Variants in MYBPC1 observed in about 807,000 individuals in gnomAD.
MYBPC1 encodes myosin binding protein C1, also known as myosin-binding protein C, slow-type.
A neutral mutation model predicts 147.1 loss-of-function variants in MYBPC1; 52 were observed. The observed-to-expected ratio is 0.35, with a 90% confidence interval of 0.28 to 0.45. MYBPC1 has a LOEUF of 0.45. Ranked by LOEUF, MYBPC1 falls within the 20% of genes least tolerant of loss-of-function variation. The probability of loss-of-function intolerance (pLI) is 1.00; values close to 1 mark genes in which losing one functional copy is unlikely to be tolerated. For synonymous variants in MYBPC1, 477 were observed against 475.9 expected, an observed-to-expected ratio of 1.00 and a Z score of -0.03; for missense variants, 1,228 against 1,440.3, an observed-to-expected ratio of 0.85 and a Z score of 2.39.
intron 10 of MYBPC1, among the ~76,000 whole-genome samples, chr12:101,640,706 A>G (rs1254271704): frequency 6.6e-6 from 1 of 152,200 alleles, no homozygotes; most frequent in Non-Finnish European, 1.5e-5. Flanking sequence ...GAAGTTAGAT[A>G]TTCAGATGTC....
At chr12:101,634,714 T>C (rs535555832) in intron 9 of MYBPC1, 109 bp downstream of exon 9, 20 of 906,404 alleles carry the variant, frequency 2.2e-5, no homozygotes, top group Non-Finnish European at 7.1e-6. Context: ...GAACAACACT[T>C]TTCACCGCAA....
chr12:101,606,245 C>T (rs1254143038), intron 1 of MYBPC1, among the ~76,000 whole-genome samples: 2 of 148,346 alleles, frequency 1.3e-5, no homozygotes, highest in Non-Finnish European at 3.0e-5. Context: ...CAAGAATGCA[C>T]AAACAATTCT....
chr12:101,686,066 C>A (rs1951337773), downstream of MYBPC1: 1 of 155,100 alleles, frequency 6.4e-6, no homozygotes, highest in African/African-American at 2.4e-5. Flanking sequence ...TTCTCTTGAT[C>A]TAGTAGATTT....
intron 6 of MYBPC1, among the ~76,000 whole-genome samples, chr12:101,631,142 C>A (rs1278221573): frequency 6.6e-6 from 1 of 151,890 alleles, no homozygotes; most frequent in Non-Finnish European, 1.5e-5. Flanking sequence ...CATCACCTTG[C>A]CTAATAAAAA....
intron 18 of MYBPC1, among the ~76,000 whole-genome samples, chr12:101,655,321 T>A (rs542025418): frequency 3.3e-5 from 5 of 152,038 alleles, no homozygotes; most frequent in Non-Finnish European, 5.9e-5. Flanking sequence ...CACCTACAGA[T>A]GAAAGCAATA....
rs373075518 is a variant in MYBPC1 at position 101,626,862 on chromosome 12, C to A, written c.104-10C>A. 202 of 1,610,648 alleles carry A rather than the reference C, an allele frequency of 1.3e-4. 1 individual carries two copies. Among genetic ancestry groups the A allele is most frequent in the South Asian group, 7.1e-4 (65 of 91,046 alleles). On this transcript the variant is annotated splice_polypyrimidine_tract_variant and intron_variant, in intron 3 of 31. Transcript: ENST00000361466. ...TCTCCTTGACTTTTTACTCCTATTT[C>A]TTGTTTCAGATGAAGAGGAAGTCTC...
chr12:101,634,076 A>G (rs1474090626), intron 8 of MYBPC1, among the ~76,000 whole-genome samples: 1 of 151,612 alleles, frequency 6.6e-6, no homozygotes, highest in Non-Finnish European at 1.5e-5. Context: ...TTGTTCTTGT[A>G]TTTTTAGTAG....
intron 24 of MYBPC1, among the ~76,000 whole-genome samples, chr12:101,672,456 C>T (rs1343986975): frequency 6.6e-6 from 1 of 152,136 alleles, no homozygotes; most frequent in East Asian, 1.9e-4. Flanking sequence ...AAATTCTGCT[C>T]TTAAAGAATA....
At chr12:101,658,358 T>C (rs1376533952) in intron 18 of MYBPC1, among the ~76,000 whole-genome samples, 1 of 148,272 alleles carries the variant, frequency 6.7e-6, no homozygotes, top group East Asian at 2.0e-4. Context: ...CTCAGCAAAA[T>C]AGAAATAGAG....
chr12:101,663,927 A>G (rs1305498395), intron 22 of MYBPC1, among the ~76,000 whole-genome samples: 1 of 152,230 alleles, frequency 6.6e-6, no homozygotes, highest in Admixed American at 6.5e-5. Flanking sequence ...TCTAAAACCT[A>G]TAATGAGCTG....
At chr12:101,679,490 G>A (rs1950793152) in intron 28 of MYBPC1, among the ~76,000 whole-genome samples, 1 of 152,224 alleles carries the variant, frequency 6.6e-6, no homozygotes, top group African/African-American at 2.4e-5. Flanking sequence ...CAAAATAATA[G>A]AAGAGGTGGA....
intron 1 of MYBPC1, among the ~76,000 whole-genome samples, chr12:101,606,211 C>CACAA (rs946765673): frequency 2.0e-5 from 3 of 151,098 alleles, no homozygotes; most frequent in African/African-American, 7.3e-5. Context: ...GAAACACACA[C>CACAA]ACACACACAC....
At position 101,626,875 on chromosome 12, in the gene MYBPC1, A is replaced by T; in HGVS notation, c.107A>T (p.Glu36Val). Residue 36 changes from glutamate to valine, a missense_variant, in exon 4 of 32, where the codon GAA (glutamate) becomes GTA (valine). Physicochemically the swap from Glu to Val is moderately radical, Grantham distance 121 (BLOSUM62 -2). Coordinates refer to ENST00000361466, the MANE Select transcript of MYBPC1 (RefSeq NM_002465.4). Reference sequence around the variant, plus strand: ...TTACTCCTATTTCTTGTTTCAGATGAAGAGGAAGTCTCCCCGCCTAGCGCC... The same window carrying T: ...TTACTCCTATTTCTTGTTTCAGATGTAGAGGAAGTCTCCCCGCCTAGCGCC... ...KEAGTTPAKD[E>V]EEVSPPSALP... 6.2e-7 allele frequency: 1 copy of T among 1,612,398 alleles called. No homozygotes were observed. Among genetic ancestry groups the T allele is most frequent in the Non-Finnish European group, 8.5e-7 (1 of 1,178,416 alleles).
At chr12:101,599,219 T>C (rs1410852027) in intron 1 of MYBPC1, among the ~76,000 whole-genome samples, 1 of 152,220 alleles carries the variant, frequency 6.6e-6, no homozygotes, top group Non-Finnish European at 1.5e-5. Context: ...GCAGATTATT[T>C]TGCTGTGTCA....
the MYBPC1 span, among the ~76,000 whole-genome samples, chr12:101,695,184 C>T: frequency 6.6e-6 from 1 of 152,214 alleles, no homozygotes; most frequent in South Asian, 2.1e-4. Flanking sequence ...ATACAACAGT[C>T]CCCTTATCTC....
In MYBPC1 at chr12:101,649,271, G is replaced by A; in HGVS notation, c.1208G>A (p.Gly403Asp). Residue 403 changes from glycine to aspartate, a missense_variant, in exon 15 of 32, where the codon GGT becomes GAT. This residue lies in a region of MYBPC1 where 1,077 missense variants were observed against 1,314.2 expected (regional missense o/e 0.82). Coordinates refer to ENST00000361466, the MANE Select transcript of MYBPC1 (RefSeq NM_002465.4). ...DDANVKWFKN[G>D]EEIIPGPKSR... ...TTATCTTAATTCAGGTTTAAGAATG[G>A]TGAAGAGATTATCCCTGGTCCAAAA... 6.2e-7 allele frequency: 1 copy of A among 1,613,296 alleles called. No individual in the cohort carries two copies. The highest frequency in any genetic ancestry group is 8.5e-7 in the Non-Finnish European group (1 of 1,179,352).
chr12:101,693,615 C>A, the MYBPC1 span, among the ~76,000 whole-genome samples: 4 of 152,114 alleles, frequency 2.6e-5, no homozygotes, highest in Admixed American at 2.6e-4. Context: ...GTGGCACATG[C>A]CTATAGTCTC....
intron 9 of MYBPC1, among the ~76,000 whole-genome samples, chr12:101,634,878 T>C (rs1890687186): frequency 6.6e-6 from 1 of 152,220 alleles, no homozygotes; most frequent in Non-Finnish European, 1.5e-5. Context: ...TTTCAATTTA[T>C]TCATATGTAG....
rs925053208 is a variant in MYBPC1 at position 101,643,749 on chromosome 12, T to A, written c.833-915T>A. Among the ~76,000 whole-genome samples, 18 of 152,314 alleles carry A rather than the reference T, an allele frequency of 1.2e-4. No homozygotes were observed. In the South Asian group the frequency reaches 3.7e-3, roughly 32 times the overall value. On this transcript the variant is annotated intron_variant, in intron 11 of 31. Coordinates refer to ENST00000361466, the MANE Select transcript of MYBPC1 (RefSeq NM_002465.4). Reference sequence around the variant, plus strand: ...GACCCTTCAAAGACAACTTTTTTTTTAATTGCTGTGTTCTATGTTATTTAA... The same window carrying A: ...GACCCTTCAAAGACAACTTTTTTTTAAATTGCTGTGTTCTATGTTATTTAA...
Sources: allele counts gnomAD v4.1 joint callset (sites outside exome capture counted in the v4.1 genomes callset), GRCh38; gene constraint gnomAD v4.1.1; regional missense constraint gnomAD v4.1.1; transcripts MANE v1.5; gene names NCBI Gene and HGNC (gene_info 2026-07-23, HGNC 2026-07-21).